The following ENAH variants were observed in gnomAD, a reference collection of about 807,000 sequenced individuals.
ENAH encodes protein enabled homolog.
Under a neutral mutation model 78.7 loss-of-function variants are expected in ENAH, and 23 were observed. That is an observed-to-expected ratio of 0.29 (90% CI 0.21 to 0.41). The LOEUF (loss-of-function observed/expected upper bound fraction) is 0.41, where lower values mean the gene tolerates loss of function less well. ENAH is among the 10% of genes least tolerant of loss of function. The probability of loss-of-function intolerance (pLI) is 1.00; values close to 1 mark genes in which losing one functional copy is unlikely to be tolerated. For synonymous variants in ENAH, 226 were observed against 241.0 expected, an observed-to-expected ratio of 0.94 and a Z score of 0.58; for missense variants, 544 against 691.0, an observed-to-expected ratio of 0.79 and a Z score of 2.39.
intron 1 of ENAH, chr1:225,581,117 G>T: frequency 5.0e-6 from 1 of 200,848 alleles, no homozygotes; most frequent in Non-Finnish European, 8.9e-6. Context: ...AAAAAGTACA[G>T]ACATCTAGAA....
At chr1:225,652,290 A>T in intron 1 of ENAH, 5 of 976,120 alleles carry the variant, frequency 5.1e-6, no homozygotes, top group Non-Finnish European at 6.1e-6. Flanking sequence ...AAAGTGCATG[A>T]AATTTTTACA....
In ENAH at chr1:225,625,304, T is replaced by A. The variant is rs939870941; in HGVS notation, c.5+27382A>T. On this transcript the variant is annotated intron_variant, in intron 1 of 13. Transcript: ENST00000366843. Reference sequence around the variant, plus strand: ...AGTCTTCTTGGCACACCTAAAGCAATATTTAGCAGACAAAAATAATTTTTA... The same window carrying A: ...AGTCTTCTTGGCACACCTAAAGCAAAATTTAGCAGACAAAAATAATTTTTA... 2.6e-5 allele frequency among the ~76,000 whole-genome samples: 4 copies of A among 152,210 alleles called. No homozygotes were observed. In the East Asian group the frequency reaches 7.7e-4, roughly 29 times the overall value.
chr1:225,541,100 T>G (rs2096586213), intron 3 of ENAH, among the ~76,000 whole-genome samples: 1 of 152,100 alleles, frequency 6.6e-6, no homozygotes, highest in African/African-American at 2.4e-5. Context: ...AAAGGGACAA[T>G]GACTTAAGGG....
At chr1:225,500,445 T>A (rs919328770) in intron 12 of ENAH, among the ~76,000 whole-genome samples, 1 of 152,192 alleles carries the variant, frequency 6.6e-6, no homozygotes, top group African/African-American at 2.4e-5. Flanking sequence ...TAAATTATGA[T>A]CCCTTGAAGC....
rs192134612 is a variant in ENAH at position 225,635,793 on chromosome 1, G to C, written c.5+16893C>G. ...CATCAACTGAAGACAGACAGGAAAA[G>C]ACAGCCATGTGACTGCAGAAGCATG... On this transcript the variant is annotated intron_variant, in intron 1 of 13. Coordinates refer to ENST00000366843, the MANE Select transcript of ENAH (RefSeq NM_018212.6). Among the ~76,000 whole-genome samples, 6 of 152,306 alleles carry C rather than the reference G, an allele frequency of 3.9e-5. No individual in the cohort carries two copies. In the East Asian group the frequency reaches 1.2e-3, roughly 29 times the overall value.
intron 2 of ENAH, among the ~76,000 whole-genome samples, chr1:225,562,571 C>CA (rs869309795): frequency 0.016 from 591 of 38,100 alleles, 144 homozygotes; most frequent in Non-Finnish European, 0.02. Context: ...GACTGCGTCT[C>CA]AAAAAAAAAA....
chr1:225,573,256 A>G (rs1326940880), intron 1 of ENAH, among the ~76,000 whole-genome samples: 1 of 152,228 alleles, frequency 6.6e-6, no homozygotes, highest in African/African-American at 2.4e-5. Context: ...GACAATATGT[A>G]GCACACAGTA....
At chr1:225,647,070 C>CA (rs1558960727) in intron 1 of ENAH, among the ~76,000 whole-genome samples, 1 of 150,384 alleles carries the variant, frequency 6.6e-6, no homozygotes, top group African/African-American at 2.4e-5. Flanking sequence ...ACTAAAAATA[C>CA]AAAAAATTAG....
At chr1:225,592,309 C>T (rs541695013) in intron 1 of ENAH, among the ~76,000 whole-genome samples, 2 of 152,292 alleles carry the variant, frequency 1.3e-5, no homozygotes, top group Admixed American at 1.3e-4. Context: ...ATCTAAACTT[C>T]CCATTCTGCC....
chr1:225,531,290 A>G (rs1199005363), intron 3 of ENAH, among the ~76,000 whole-genome samples: 1 of 151,682 alleles, frequency 6.6e-6, no homozygotes, highest in Non-Finnish European at 1.5e-5. Flanking sequence ...GGGTAAGAAG[A>G]AAAAAAAACT....
intron 3 of ENAH, among the ~76,000 whole-genome samples, chr1:225,547,058 G>A (rs941044278): frequency 6.6e-6 from 1 of 150,674 alleles, no homozygotes; most frequent in Non-Finnish European, 1.5e-5. Context: ...ATTATTTGTT[G>A]TTGTTGTTGT....
At chr1:225,555,835 T>C (rs2096663838) in intron 2 of ENAH, among the ~76,000 whole-genome samples, 1 of 152,206 alleles carries the variant, frequency 6.6e-6, no homozygotes, top group Non-Finnish European at 1.5e-5. Context: ...TACATTTATA[T>C]GAAATCCAAA....
intron 1 of ENAH, among the ~76,000 whole-genome samples, chr1:225,632,159 A>C (rs1454015518): frequency 6.6e-6 from 1 of 152,184 alleles, no homozygotes; most frequent in Non-Finnish European, 1.5e-5. Context: ...ATGGCTGCCA[A>C]TCTCCGCCTA....
At chr1:225,587,594 G>A (rs528642591) in intron 1 of ENAH, among the ~76,000 whole-genome samples, 1 of 152,234 alleles carries the variant, frequency 6.6e-6, no homozygotes, top group East Asian at 1.9e-4. Context: ...TAATCTACAA[G>A]TTAAATGCAA....
At position 225,585,215 on chromosome 1, in the gene ENAH, C is replaced by CAAAA. The variant is rs58586397; in HGVS notation, c.6-17805_6-17802dup. Among the ~76,000 whole-genome samples, 20 of 49,932 alleles carry CAAAA rather than the reference C, an allele frequency of 4.0e-4. 1 individual carries two copies. The highest frequency in any genetic ancestry group is 1.5e-3 in the African/African-American group (18 of 12,200). The allele number at this position is 49,932 out of a possible 152,430, so 32.8% of individuals were successfully genotyped here. On this transcript the variant is annotated intron_variant, in intron 1 of 13. Coordinates refer to ENST00000366843, the MANE Select transcript of ENAH (RefSeq NM_018212.6). ...TGGGCGACGGAGTGATACCCTGTCT[C>CAAAA]AAAAAAAAAAAAAAAAAAAAAAAAA...
intron 3 of ENAH, among the ~76,000 whole-genome samples, chr1:225,535,181 A>T (rs992555378): frequency 6.6e-6 from 1 of 152,130 alleles, no homozygotes; most frequent in Admixed American, 6.6e-5. Flanking sequence ...TAAATTCTAA[A>T]TCAAAAATTT....
At chr1:225,530,908 A>G in intron 3 of ENAH, 1 of 419,174 alleles carries the variant, frequency 2.4e-6, no homozygotes, top group Non-Finnish European at 4.2e-6. Flanking sequence ...GAGCTTGAGT[A>G]AAACAAGTGT....
chr1:225,645,016 C>T (rs568791434), intron 1 of ENAH, among the ~76,000 whole-genome samples: 212 of 152,290 alleles, frequency 1.4e-3, no homozygotes, highest in African/African-American at 4.6e-3. Flanking sequence ...CTCCTTAGCA[C>T]GAAGATACAG....
intron 2 of ENAH, among the ~76,000 whole-genome samples, chr1:225,565,976 T>C (rs1027133431): frequency 6.6e-6 from 1 of 152,192 alleles, no homozygotes; most frequent in Non-Finnish European, 1.5e-5. Context: ...ATTCAGAGAA[T>C]TGCTCTTTCC....
Sources: allele counts gnomAD v4.1 joint callset (sites outside exome capture counted in the v4.1 genomes callset), GRCh38; gene constraint gnomAD v4.1.1; transcripts MANE v1.5; gene names NCBI Gene and HGNC (gene_info 2026-07-23, HGNC 2026-07-21).